IL3RA: variants seen among roughly 807,000 people sequenced by gnomAD.
The protein encoded by IL3RA is interleukin 3 receptor subunit alpha, also known as interleukin-3 receptor subunit alpha.
A neutral mutation model predicts 52.3 loss-of-function variants in IL3RA; 73 were observed. The observed-to-expected ratio is 1.40, with a 90% confidence interval of 1.16 to 1.70. The LOEUF is 1.70. Among genes scored for constraint, IL3RA ranks in the 40% most tolerant of loss-of-function variants. The probability of loss-of-function intolerance (pLI) is 0.00; values close to 1 mark genes in which losing one functional copy is unlikely to be tolerated. For synonymous variants in IL3RA, 260 were observed against 194.0 expected (o/e 1.34, Z -2.83); for missense variants, 664 against 504.4 (o/e 1.32, Z -3.03).
chrX:1,338,349 A>G (rs1289373059), intron 1 of IL3RA, among the ~76,000 whole-genome samples: 1 of 152,150 alleles, frequency 6.6e-6, no homozygotes, highest in Non-Finnish European at 1.5e-5. Flanking sequence ...AGGTGGAGAC[A>G]GCCCTCATAC....
intron 10 of IL3RA, 69 bp from the exon 11 acceptor site, chrX:1,380,954 A>G: frequency 7.6e-7 from 1 of 1,307,926 alleles, no homozygotes; most frequent in Non-Finnish European, 1.1e-6. Context: ...TGTCCTGGAC[A>G]CGCTGTGTCC....
intron 8 of IL3RA, among the ~76,000 whole-genome samples, chrX:1,362,250 GTCTC>G (rs199565022): frequency 7.7e-4 from 114 of 148,538 alleles, no homozygotes; most frequent in Non-Finnish European, 1.2e-3. Flanking sequence ...CTTTGTCTAT[GTCTC>G]TCTGTTTTTC....
rs143428159 is a variant in IL3RA, at chrX:1,382,617, G to A, written c.*152G>A. On this transcript the variant is annotated 3_prime_UTR_variant, in exon 12 of 12. Coordinates refer to ENST00000331035, the MANE Select transcript of IL3RA (RefSeq NM_002183.4). ...GGGAGATGCCTGTGTAATTTCGTCC[G>A]AAGCTGCCAGGAAGAAGAACAGAAC... 76 of 698,622 alleles carry A rather than the reference G, an allele frequency of 1.1e-4. No homozygotes were observed. In the East Asian group the frequency reaches 1.4e-3, roughly 13 times the overall value. 43.3% of individuals were successfully genotyped at this position (698,622 alleles called of 1,614,324 possible).
At chrX:1,380,871 G>A (rs1464017166) in intron 10 of IL3RA, 152 bp from the exon 11 acceptor site, 1 of 703,860 alleles carries the variant, frequency 1.4e-6, no homozygotes. Context: ...GGCGTGTCAG[G>A]GCCTCAGGGG....
At chrX:1,337,647 T>C (rs1296411547) in intron 1 of IL3RA, among the ~76,000 whole-genome samples, 9 of 143,070 alleles carry the variant, frequency 6.3e-5, no homozygotes, top group African/African-American at 2.3e-4. Flanking sequence ...TATAGACGAA[T>C]GGATAAATAT....
chrX:1,344,560 G>T (rs1327574209), intron 2 of IL3RA, among the ~76,000 whole-genome samples: 1 of 151,428 alleles, frequency 6.6e-6, no homozygotes, highest in African/African-American at 2.4e-5. Context: ...AGATCACGAG[G>T]TCAGGAGATC....
chrX:1,343,265 A>G (rs369654821), intron 2 of IL3RA, among the ~76,000 whole-genome samples: 15 of 152,186 alleles, frequency 9.9e-5, no homozygotes, highest in South Asian at 4.1e-4. Flanking sequence ...TACAGTTTAT[A>G]AAGTCATTTC....
At chrX:1,354,793 A>G (rs2149004245) in intron 6 of IL3RA, among the ~76,000 whole-genome samples, 1 of 87,456 alleles carries the variant, frequency 1.1e-5, no homozygotes, top group Non-Finnish European at 2.2e-5. Flanking sequence ...AGAAAGGAGG[A>G]GGAGAGGGTG....
chrX:1,365,248 C>A lies in IL3RA; in HGVS notation c.870C>A (p.Arg290=). The part of the protein sequence containing the change: ...EFLSAWSTPQ[R]FECDQEEGAN... ...TGAGCGCCTGGAGCACCCCCCAGCG[C>A]TTCGGTGAGTGGGCTGTGCGGGGTG... Residue 290 remains arginine, a synonymous_variant, in exon 9 of 12, where the codon CGC becomes CGA. Coordinates refer to ENST00000331035, the MANE Select transcript of IL3RA (RefSeq NM_002183.4). The A allele has an allele frequency of 6.3e-7, 1 of 1,594,830 alleles. No homozygotes were observed. Among genetic ancestry groups the A allele is most frequent in the Non-Finnish European group, 8.6e-7 (1 of 1,168,046 alleles).
At chrX:1,347,777 G>C (rs775534513) in intron 3 of IL3RA, among the ~76,000 whole-genome samples, 13 of 151,900 alleles carry the variant, frequency 8.6e-5, no homozygotes, top group Admixed American at 2.6e-4. Context: ...GGTGGCTCAC[G>C]CCTGTCATCC....
At chrX:1,345,760 G>A (rs1164540217) in intron 3 of IL3RA, among the ~76,000 whole-genome samples, 1 of 151,910 alleles carries the variant, frequency 6.6e-6, no homozygotes, top group South Asian at 2.1e-4. Context: ...AAAGTGCTGG[G>A]ATTACAGGCG....
intron 1 of IL3RA, among the ~76,000 whole-genome samples, chrX:1,340,668 C>CT (rs1210022320): frequency 6.6e-6 from 1 of 152,166 alleles, no homozygotes; most frequent in Admixed American, 6.6e-5. Context: ...AACACAAAGA[C>CT]TGTGTGTACC....
At chrX:1,346,876 C>G (rs1338050972) in intron 3 of IL3RA, among the ~76,000 whole-genome samples, 1 of 151,248 alleles carries the variant, frequency 6.6e-6, no homozygotes, top group Non-Finnish European at 1.5e-5. Flanking sequence ...AATCACGGCC[C>G]TTCATGCGTC....
intron 1 of IL3RA, among the ~76,000 whole-genome samples, chrX:1,339,654 T>C (rs1206455569): frequency 1.3e-5 from 2 of 151,966 alleles, no homozygotes; most frequent in Non-Finnish European, 2.9e-5. Context: ...TAGCTGGGTG[T>C]GGTGGCGGAC....
intron 9 of IL3RA, among the ~76,000 whole-genome samples, chrX:1,377,872 CA>C (rs35759027): frequency 0.25 from 27,896 of 111,612 alleles, 2,673 homozygotes; most frequent in Middle Eastern, 0.33. Context: ...GACTCTGTCT[CA>C]AAAAAAAAAA....
At chrX:1,343,731 T>C (rs1156392019) in intron 2 of IL3RA, among the ~76,000 whole-genome samples, 1 of 150,994 alleles carries the variant, frequency 6.6e-6, no homozygotes, top group Admixed American at 6.6e-5. Flanking sequence ...ATGAAATATC[T>C]TGAGCTCTGT....
chrX:1,357,034 C>T (rs1398762365), intron 7 of IL3RA, among the ~76,000 whole-genome samples: 1 of 151,956 alleles, frequency 6.6e-6, no homozygotes, highest in African/African-American at 2.4e-5. Flanking sequence ...CTCACTGCAA[C>T]CTCTGCCTCC....
chrX:1,348,696 C>CTTTCTTTCTG (rs879019591), intron 4 of IL3RA, 151 bp downstream of exon 4: 2 of 344,892 alleles, frequency 5.8e-6, no homozygotes, highest in Non-Finnish European at 5.2e-6. Context: ...CTTTCTTTTT[C>CTTTCTTTCTG]TTTCTTTCTG....
At position 1,362,769 on chromosome X, in the gene IL3RA, T is replaced by TTTTATTTATTTA. The variant is rs757287987; in HGVS notation, c.760-2357_760-2346dup. On this transcript the variant is annotated intron_variant, in intron 8 of 11. Coordinates refer to ENST00000331035, the MANE Select transcript of IL3RA (RefSeq NM_002183.4). ...CTTCTCCTCTGCATCCGTGTCTCCT[T>TTTTATTTATTTA]TTTATTTATTTATTTATTTATTTTG... 1.5e-3 allele frequency among the ~76,000 whole-genome samples: 226 copies of TTTTATTTATTTA among 149,276 alleles called. 1 individual carries two copies. The highest frequency in any genetic ancestry group is 5.1e-3 in the African/African-American group (206 of 40,424).
Sources: allele counts gnomAD v4.1 joint callset (sites outside exome capture counted in the v4.1 genomes callset), GRCh38; gene constraint gnomAD v4.1.1; transcripts MANE v1.5; gene names NCBI Gene and HGNC (gene_info 2026-07-23, HGNC 2026-07-21).